Variants in CAB39 observed in about 807,000 individuals in gnomAD.
The protein encoded by CAB39 is calcium binding protein 39.
A neutral mutation model predicts 40.0 loss-of-function variants in CAB39; 8 were observed. The observed-to-expected ratio is 0.20, with a 90% CI of 0.12 to 0.36. The LOEUF is 0.36. Ranked by LOEUF, CAB39 falls within the 10% of genes least tolerant of loss-of-function variation. CAB39 has a pLI of 1.00. For missense variants in CAB39, 270 were observed against 401.1 expected (o/e 0.67, Z 2.79); for synonymous variants, 156 against 141.6 (o/e 1.10, Z -0.72).
chr2:230,731,364 A>G lies in CAB39; in HGVS notation c.-44+18134A>G, dbSNP rs896110821. Among the ~76,000 whole-genome samples the G allele has an allele frequency of 5.3e-5, 8 of 152,218 alleles. No individual in the cohort carries two copies. In the East Asian group the frequency reaches 1.5e-3, roughly 29 times the overall value. On this transcript the variant is annotated intron_variant, in intron 1 of 8. Transcript: ENST00000258418. ...ATATAGCCAGGTTGTTAATATACTC[A>G]TGTAAACCAGGAAAAAAATAAAATT...
At chr2:230,745,705 C>A (rs1265332606) in intron 1 of CAB39, among the ~76,000 whole-genome samples, 1 of 152,088 alleles carries the variant, frequency 6.6e-6, no homozygotes, top group Non-Finnish European at 1.5e-5. Context: ...CAGCTCACGG[C>A]AACCTCCACC....
intron 2 of CAB39, among the ~76,000 whole-genome samples, chr2:230,776,255 CTTTGT>C (rs1416214211): frequency 1.3e-5 from 2 of 152,152 alleles, no homozygotes; most frequent in African/African-American, 2.4e-5. Context: ...TGTTGCCTTA[CTTTGT>C]TTTGTTTATT....
intron 1 of CAB39, among the ~76,000 whole-genome samples, chr2:230,726,614 G>T (rs574391977): frequency 6.6e-6 from 1 of 152,260 alleles, no homozygotes; most frequent in Admixed American, 6.5e-5. Flanking sequence ...ATGTAGGCAG[G>T]AAGGAACTAG....
At chr2:230,764,663 G>A (rs1695353062) in intron 2 of CAB39, among the ~76,000 whole-genome samples, 1 of 152,208 alleles carries the variant, frequency 6.6e-6, no homozygotes, top group Non-Finnish European at 1.5e-5. Flanking sequence ...TCAGAATTCA[G>A]ATTTGGCAAC....
rs116348319 is a variant in CAB39 at position 230,788,125 on chromosome 2, T to C, written c.115-2747T>C. 2.5e-3 allele frequency among the ~76,000 whole-genome samples: 376 copies of C among 152,352 alleles called. 1 individual carries two copies. The highest frequency in any genetic ancestry group is 8.8e-3 in the African/African-American group (367 of 41,596). On this transcript the variant is annotated intron_variant, in intron 2 of 8. Coordinates refer to ENST00000258418, the MANE Select transcript of CAB39 (RefSeq NM_016289.4). ...GTGCAAAGTAATCTTGAAGTATATT[T>C]CTGATCATAAATGCTTCACTTTATA...
chr2:230,776,845 G>A (rs1042568914), intron 2 of CAB39, among the ~76,000 whole-genome samples: 10 of 151,938 alleles, frequency 6.6e-5, no homozygotes, highest in African/African-American at 1.9e-4. Flanking sequence ...CGCCTGCCAC[G>A]CCCGGCTAAT....
chr2:230,725,458 C>G (rs974522285), intron 1 of CAB39: 8 of 1,429,218 alleles, frequency 5.6e-6, no homozygotes, highest in East Asian at 2.3e-5. Flanking sequence ...TCCCGCCACC[C>G]GGCCACTCCT....
intron 2 of CAB39, among the ~76,000 whole-genome samples, chr2:230,779,758 C>T (rs563475610): frequency 6.6e-6 from 1 of 152,268 alleles, no homozygotes; most frequent in South Asian, 2.1e-4. Flanking sequence ...AAGGTTATAG[C>T]ACTTACAAGG....
At chr2:230,784,729 AAG>A (rs949836137) in intron 2 of CAB39, among the ~76,000 whole-genome samples, 17 of 152,196 alleles carry the variant, frequency 1.1e-4, no homozygotes, top group African/African-American at 3.9e-4. Context: ...TGTCGGGAAA[AAG>A]AGAAAAAAAG....
chr2:230,753,458 T>A (rs1437116877), intron 1 of CAB39, among the ~76,000 whole-genome samples: 1 of 152,142 alleles, frequency 6.6e-6, no homozygotes, highest in Non-Finnish European at 1.5e-5. Flanking sequence ...TGAGGTTTAT[T>A]ATAAACCATT....
chr2:230,758,108 G>A lies in CAB39; in HGVS notation c.-43-1851G>A, dbSNP rs910415036. ...GAGGCCAGGAGTTGAGACCAGCCTA[G>A]CCAACATGGTGAAAACCCATCTCTA... is the stretch of plus-strand genomic sequence containing the variant. On this transcript the variant is annotated intron_variant, in intron 1 of 8. Coordinates refer to ENST00000258418, the MANE Select transcript of CAB39 (RefSeq NM_016289.4). Among the ~76,000 whole-genome samples, 5 of 152,224 alleles carry A rather than the reference G, an allele frequency of 3.3e-5. No individual in the cohort carries two copies. In the East Asian group the frequency reaches 9.6e-4, roughly 29 times the overall value.
At chr2:230,817,204 A>G (rs1696417436) in intron 7 of CAB39, among the ~76,000 whole-genome samples, 1 of 152,236 alleles carries the variant, frequency 6.6e-6, no homozygotes, top group Non-Finnish European at 1.5e-5. Context: ...CCTAAGAAGG[A>G]GCAGAAAAAT....
chr2:230,815,897 C>A (rs1381737875), intron 7 of CAB39, among the ~76,000 whole-genome samples: 2 of 152,238 alleles, frequency 1.3e-5, no homozygotes, highest in African/African-American at 4.8e-5. Context: ...TTCGTAGCCA[C>A]ATTGGCATTT....
At chr2:230,817,116 G>A (rs1696415841) in intron 7 of CAB39, among the ~76,000 whole-genome samples, 1 of 152,206 alleles carries the variant, frequency 6.6e-6, no homozygotes, top group Non-Finnish European at 1.5e-5. Context: ...GAAGTAAACA[G>A]ATGTTTTTTT....
chr2:230,732,095 C>T (rs1164426135), intron 1 of CAB39, among the ~76,000 whole-genome samples: 1 of 148,074 alleles, frequency 6.8e-6, no homozygotes, highest in Non-Finnish European at 1.5e-5. Context: ...TTTTTTTTGG[C>T]GGGGGAGGGG....
At chr2:230,771,579 AT>A (rs1351294296) in intron 2 of CAB39, among the ~76,000 whole-genome samples, 1 of 152,228 alleles carries the variant, frequency 6.6e-6, no homozygotes, top group East Asian at 1.9e-4. Flanking sequence ...ATTCTGTGCA[AT>A]TCCAGCAGGA....
chr2:230,733,940 A>AT (rs1337028246), intron 1 of CAB39, among the ~76,000 whole-genome samples: 1 of 152,130 alleles, frequency 6.6e-6, no homozygotes, highest in Non-Finnish European at 1.5e-5. Context: ...TTACACTTTA[A>AT]TTTTTTTCTT....
chr2:230,714,707 A>G (rs1694318579), intron 1 of CAB39, among the ~76,000 whole-genome samples: 1 of 152,258 alleles, frequency 6.6e-6, no homozygotes, highest in Admixed American at 6.5e-5. Context: ...CAGAAAGGTA[A>G]AACTTTGTTT....
At chr2:230,732,298 G>T (rs924642011) in intron 1 of CAB39, among the ~76,000 whole-genome samples, 2 of 151,936 alleles carry the variant, frequency 1.3e-5, no homozygotes, top group African/African-American at 4.8e-5. Context: ...TAGCCAGGAT[G>T]GTCTCAATCT....
Sources: allele counts gnomAD v4.1 joint callset (sites outside exome capture counted in the v4.1 genomes callset), GRCh38; gene constraint gnomAD v4.1.1; transcripts MANE v1.5; gene names NCBI Gene and HGNC (gene_info 2026-07-23, HGNC 2026-07-21).